LYVE1: variants seen among roughly 807,000 people sequenced by gnomAD.
LYVE1 encodes the protein lymphatic vessel endothelial hyaluronan receptor 1.
Under a neutral mutation model 31.5 loss-of-function variants are expected in LYVE1, and 29 were observed. The observed-to-expected ratio is 0.92, with a 90% confidence interval of 0.69 to 1.26. LYVE1 has a LOEUF of 1.26. LYVE1 is among the 50% of genes most tolerant of loss of function. The pLI, the probability that LYVE1 is intolerant of heterozygous loss-of-function variation, is 0.00. For synonymous variants in LYVE1, 134 were observed against 139.4 expected, an observed-to-expected ratio of 0.96 and a Z score of 0.27; for missense variants, 376 against 380.2, an observed-to-expected ratio of 0.99 and a Z score of 0.09.
intron 1 of LYVE1, among the ~76,000 whole-genome samples, chr11:10,567,770 C>G (rs1424148707): frequency 1.3e-5 from 2 of 152,132 alleles, no homozygotes; most frequent in African/African-American, 4.8e-5. Context: ...GCTTAATTTT[C>G]AAACTTATAT....
rs1029365465 is a variant in LYVE1, at chr11:10,560,507, C to G, written c.691G>C (p.Ala231Pro). 4 of 1,606,514 alleles carry G rather than the reference C, an allele frequency of 2.5e-6. No individual in the cohort carries two copies. Among genetic ancestry groups the G allele is most frequent in the Non-Finnish European group, 3.4e-6 (4 of 1,175,238 alleles). Reference protein sequence around the residue: ...ENKAAFKNEAAGFGGVPTALL... With the variant: ...ENKAAFKNEAPGFGGVPTALL... ...AGAAACCATTTACCTCCAAACCCAG[C>G]AGCTTCATTCTTGAATGCTGCTTTA... The change falls in exon 4 of 6, where the codon GCT becomes CCT. Residue 231 changes from alanine to proline, a missense_variant. Physicochemically the swap from Ala to Pro is conservative, Grantham distance 27. Transcript: ENST00000256178.
chr11:10,568,360 C>T (rs1397115966), intron 1 of LYVE1, 88 bp downstream of exon 1: 2 of 1,363,884 alleles, frequency 1.5e-6, no homozygotes, highest in Non-Finnish European at 2.0e-6. Flanking sequence ...CTGAGGGTCA[C>T]CCTCATTCCC....
intron 4 of LYVE1, 26 bp from the exon 5 acceptor site, chr11:10,559,920 T>C: frequency 6.5e-7 from 1 of 1,539,658 alleles, no homozygotes; most frequent in Non-Finnish European, 9.0e-7. Flanking sequence ...ACAAGGCCTG[T>C]TGGTCCTTCA....
At chr11:10,560,939 T>G in intron 3 of LYVE1, 139 bp from the exon 4 acceptor site, 1 of 691,428 alleles carries the variant, frequency 1.4e-6, no homozygotes, top group Non-Finnish European at 2.5e-6. Context: ...CCATATCACT[T>G]TCTTCCTTAG....
At position 10,560,709 on chromosome 11, in the gene LYVE1, A is replaced by C. The variant is rs529330119; in HGVS notation, c.489T>G (p.Ile163Met). 36 of 1,613,960 alleles carry C rather than the reference A, an allele frequency of 2.2e-5. 1 individual carries two copies. The South Asian group carries it at 4.0e-4, about 18-fold the overall frequency. Residue 163 changes from isoleucine to methionine, a missense_variant, in exon 4 of 6, where the codon ATT (isoleucine) becomes ATG (methionine). Ile to Met is a conservative substitution (Grantham distance 10, BLOSUM62 1). Transcript: ENST00000256178. ...CCACCGAGTAGGTACTGTCACTGAC[A>C]ATAAATTCTGTTGTTTGTGTTGCAG... is the stretch of plus-strand genomic sequence containing the variant. ...TQTATQTTEF[I>M]VSDSTYSVAS...
rs1850589350 is a variant in LYVE1, at chr11:10,568,572, G to T, written c.-40C>A. ...CAGAGCCAGGGAAACACCTCAGATG[G>T]CCACTGGTGATATGAGAGGCAGATG... is the stretch of plus-strand genomic sequence containing the variant. On this transcript the variant is annotated 5_prime_UTR_variant, in exon 1 of 6. Transcript: ENST00000256178. 1.2e-6 allele frequency: 2 copies of T among 1,601,756 alleles called. No individual in the cohort carries two copies. The highest frequency in any genetic ancestry group is 8.5e-7 in the Non-Finnish European group (1 of 1,173,756).
chr11:10,560,001 C>T, intron 4 of LYVE1, 107 bp from the exon 5 acceptor site: 1 of 773,708 alleles, frequency 1.3e-6, no homozygotes. Flanking sequence ...AGGAGAAAAA[C>T]CTTCTCTGTA....
Position 10,557,168 on chromosome 11 carries a change from A to G in LYVE1, c.*1943T>C, listed in dbSNP as rs1290486771. The G allele has an allele frequency of 6.6e-6, 1 of 152,188 alleles. No individual in the cohort carries two copies. Among genetic ancestry groups the G allele is most frequent in the Non-Finnish European group, 1.5e-5 (1 of 68,040 alleles). 9.4% of individuals were successfully genotyped at this position (152,188 alleles called of 1,614,324 possible). On this transcript the variant is annotated 3_prime_UTR_variant, in exon 6 of 6. Transcript: ENST00000256178. ...AAAAGGCCACAGTGTTACAAAGTTC[A>G]TAGGAAAGGGCACCTTTACTTTGGC... is the stretch of plus-strand genomic sequence containing the variant.
chr11:10,562,193 A>T (rs1850440863), intron 3 of LYVE1, among the ~76,000 whole-genome samples: 1 of 152,224 alleles, frequency 6.6e-6, no homozygotes, highest in African/African-American at 2.4e-5. Flanking sequence ...GCTATGAGGT[A>T]TGCAGGCATA....
At position 10,557,717 on chromosome 11, in the gene LYVE1, C is replaced by T. The variant is rs572513699; in HGVS notation, c.*1394G>A. 17 of 152,322 alleles carry T rather than the reference C, an allele frequency of 1.1e-4. No individual in the cohort carries two copies. Among genetic ancestry groups the T allele is most frequent in the Middle Eastern group, 6.8e-3 (2 of 294 alleles). 9.4% of individuals were successfully genotyped at this position (152,322 alleles called of 1,614,324 possible). ...AAAATGTTTGGAGCATGAATAGCCC[C>T]ATATGATATATGCTGTTTGGTTGAC... On this transcript the variant is annotated 3_prime_UTR_variant, in exon 6 of 6. Coordinates refer to ENST00000256178, the MANE Select transcript of LYVE1 (RefSeq NM_006691.4).
chr11:10,565,344 C>T (rs1850514305), intron 1 of LYVE1, among the ~76,000 whole-genome samples: 2 of 152,170 alleles, frequency 1.3e-5, no homozygotes, highest in African/African-American at 4.8e-5. Context: ...CTTTTGAACC[C>T]TTTTCTCTGG....
At chr11:10,563,838 G>A in intron 3 of LYVE1, 102 bp downstream of exon 3, 1 of 1,440,160 alleles carries the variant, frequency 6.9e-7, no homozygotes, top group Non-Finnish European at 9.7e-7. Flanking sequence ...GGCCGTGGCT[G>A]TGATTGCTTC....
chr11:10,559,856 A>G lies in LYVE1; in HGVS notation c.742T>C (p.Phe248Leu). 5 of 1,613,974 alleles carry G rather than the reference A, an allele frequency of 3.1e-6. No homozygotes were observed. The highest frequency in any genetic ancestry group is 4.2e-6 in the Non-Finnish European group (5 of 1,179,872). ...AATCCAAGACCAGCTGCAGCACCAA[A>G]GAAGAGGAGAGCAAGCACTAGCAGA... ...TALLVLALLFFGAAAGLGFCY... is the reference protein window; with the variant it reads ...TALLVLALLFLGAAAGLGFCY... The change falls in exon 5 of 6, where the codon TTT (phenylalanine) becomes CTT (leucine). Residue 248 changes from phenylalanine (F) to leucine (L), a missense_variant. By Grantham distance (22) the Phe-to-Leu change is conservative. Coordinates refer to ENST00000256178, the MANE Select transcript of LYVE1 (RefSeq NM_006691.4).
At chr11:10,565,854 A>T (rs778206755) in intron 1 of LYVE1, among the ~76,000 whole-genome samples, 11 of 151,038 alleles carry the variant, frequency 7.3e-5, no homozygotes, top group Admixed American at 6.0e-4. Context: ...CTTGTTGCCC[A>T]GGCTGGAGTG....
At chr11:10,563,819 G>T in intron 3 of LYVE1, 121 bp downstream of exon 3, 1 of 1,274,036 alleles carries the variant, frequency 7.8e-7, no homozygotes, top group Non-Finnish European at 1.1e-6. Context: ...AGTGTCGGGA[G>T]AATTAGATGG....
In LYVE1 at chr11:10,559,377, T is replaced by C. The variant is rs2134000452; in HGVS notation, c.783-80A>G. 4 of 1,066,756 alleles carry C rather than the reference T, an allele frequency of 3.7e-6. 1 individual carries two copies. The Middle Eastern group carries it at 9.0e-4, about 241-fold the overall frequency. The allele number at this position is 1,066,756 out of a possible 1,614,324, so 66.1% of individuals were successfully genotyped here. ...AACACTTTTTGGCCATGGTACATATTGGCACAGTACACTGGATACCTTTAT... is the reference window on the plus strand; with the variant it reads ...AACACTTTTTGGCCATGGTACATATCGGCACAGTACACTGGATACCTTTAT... On this transcript the variant is annotated intron_variant, in intron 5 of 5. Transcript: ENST00000256178.
chr11:10,560,755 T>A lies in LYVE1; in HGVS notation c.443A>T (p.Asp148Val). 2 of 1,613,320 alleles carry A rather than the reference T, an allele frequency of 1.2e-6. No homozygotes were observed. The highest frequency in any genetic ancestry group is 1.7e-6 in the Non-Finnish European group (2 of 1,179,304). ...SCIPEIITTK[D>V]PIFNTQTATQ... Reference sequence around the variant, plus strand: ...TGCAGTTTGAGTGTTGAATATGGGATCTTTGGTGGTGATAATTTCTGGAAT... The same window carrying A: ...TGCAGTTTGAGTGTTGAATATGGGAACTTTGGTGGTGATAATTTCTGGAAT... Residue 148 changes from aspartate to valine, a missense_variant, in exon 4 of 6, where the codon GAT (aspartate) becomes GTT (valine). Physicochemically the swap from Asp to Val is radical, Grantham distance 152. Coordinates refer to ENST00000256178, the MANE Select transcript of LYVE1 (RefSeq NM_006691.4).
chr11:10,568,433 T>C lies in LYVE1; in HGVS notation c.85+15A>G, dbSNP rs939685080. 5 of 1,612,970 alleles carry C rather than the reference T, an allele frequency of 3.1e-6. No individual in the cohort carries two copies. The East Asian group carries it at 1.1e-4, about 36-fold the overall frequency. ...GAAGCCTTGCTTCAGTTTGGAAATCTGGTGAGAAACCTACCTTCTGCACGC... is the reference window on the plus strand; with the variant it reads ...GAAGCCTTGCTTCAGTTTGGAAATCCGGTGAGAAACCTACCTTCTGCACGC... On this transcript the variant is annotated intron_variant, in intron 1 of 5. Transcript: ENST00000256178.
intron 4 of LYVE1, 56 bp downstream of exon 4, chr11:10,560,439 T>A: frequency 7.0e-7 from 1 of 1,425,034 alleles, no homozygotes; most frequent in South Asian, 1.4e-5. Context: ...TTCTATGAAT[T>A]ATCTGTTATA....
Sources: allele counts gnomAD v4.1 joint callset (sites outside exome capture counted in the v4.1 genomes callset), GRCh38; gene constraint gnomAD v4.1.1; transcripts MANE v1.5; gene names NCBI Gene and HGNC (gene_info 2026-07-23, HGNC 2026-07-21).